The following DLEC1 variants were observed in gnomAD, a reference collection of about 807,000 sequenced individuals.
DLEC1 encodes the protein deleted in lung and esophageal cancer protein 1.
A neutral mutation model predicts 198.1 loss-of-function variants in DLEC1; 146 were observed. The observed-to-expected ratio is 0.74, with a 90% CI of 0.64 to 0.85. The LOEUF is 0.85. Among genes scored for constraint, DLEC1 ranks in the 40% least tolerant of loss-of-function variants. The pLI, the probability that DLEC1 is intolerant of heterozygous loss-of-function variation, is 0.00. For synonymous variants in DLEC1, 897 were observed against 866.8 expected, an observed-to-expected ratio of 1.03 and a Z score of -0.61; for missense variants, 2,233 against 2,220.0, an observed-to-expected ratio of 1.01 and a Z score of -0.12.
intron 2 of DLEC1, among the ~76,000 whole-genome samples, chr3:38,058,988 AAAT>A (rs1167608754): frequency 3.9e-5 from 6 of 152,182 alleles, no homozygotes; most frequent in African/African-American, 1.4e-4. Flanking sequence ...GAATACCTAT[AAAT>A]AATGTTATTT....
At chr3:38,084,278 A>G in intron 7 of DLEC1, 33 bp downstream of exon 7, 2 of 1,573,076 alleles carry the variant, frequency 1.3e-6, no homozygotes, top group Non-Finnish European at 1.7e-6. Flanking sequence ...CATTAGTAGT[A>G]GTGGTAATAG....
intron 2 of DLEC1, among the ~76,000 whole-genome samples, chr3:38,058,332 C>G (rs1696489910): frequency 6.6e-6 from 1 of 152,122 alleles, no homozygotes; most frequent in African/African-American, 2.4e-5. Context: ...CTGTGTGACA[C>G]CACTTTCTGG....
At chr3:38,074,973 T>C (rs1418651307) in intron 6 of DLEC1, among the ~76,000 whole-genome samples, 1 of 152,124 alleles carries the variant, frequency 6.6e-6, no homozygotes, top group African/African-American at 2.4e-5. Context: ...GGGGAAAAGC[T>C]AGTCGCAGAA....
chr3:38,084,327 G>T, intron 7 of DLEC1, 82 bp downstream of exon 7: 2 of 1,241,244 alleles, frequency 1.6e-6, no homozygotes, highest in Non-Finnish European at 1.2e-6. Flanking sequence ...AGTGGTGGTA[G>T]TAATGGTAGC....
chr3:38,094,958 G>A lies in DLEC1; in HGVS notation c.1999G>A (p.Asp667Asn). ...CATGCCTGGAGAAACCTTCAGCATG[G>A]ACAGCATCAAGTGCTACCCCGACAA... Reference protein sequence around the residue: ...PLMPGETFSMDSIKCYPDKET... With the variant: ...PLMPGETFSMNSIKCYPDKET... Residue 667 changes from aspartate to asparagine, a missense_variant, in exon 13 of 37, where the codon GAC becomes AAC. Coordinates refer to ENST00000308059, the MANE Select transcript of DLEC1 (RefSeq NM_007335.4). The A allele has an allele frequency of 6.2e-7, 1 of 1,614,184 alleles. No individual in the cohort carries two copies.
intron 14 of DLEC1, among the ~76,000 whole-genome samples, chr3:38,096,219 GC>G (rs1179424852): frequency 1.3e-5 from 2 of 152,216 alleles, no homozygotes; most frequent in Non-Finnish European, 2.9e-5. Flanking sequence ...AAACTGGGGG[GC>G]CCTCGGTGGT....
chr3:38,088,630 C>T (rs1698589996), intron 10 of DLEC1, among the ~76,000 whole-genome samples: 4 of 152,170 alleles, frequency 2.6e-5, no homozygotes, highest in African/African-American at 9.7e-5. Context: ...CTTGCTAGTC[C>T]ACACCTTTAG....
rs1257839213 is a variant in DLEC1, at chr3:38,100,412, A to G, written c.2851A>G (p.Asn951Asp). The change falls in exon 19 of 37, where the codon AAT becomes GAT. Residue 951 changes from asparagine to aspartate, a missense_variant. By Grantham distance (23) the Asn-to-Asp change is conservative. Coordinates refer to ENST00000308059, the MANE Select transcript of DLEC1 (RefSeq NM_007335.4). Reference protein sequence around the residue: ...LETVLELEVENGAWSYLPVYA... With the variant: ...LETVLELEVEDGAWSYLPVYA... ...GACCGTCCTGGAGCTGGAGGTGGAAAATGGTGCCTGGAGGTAAGGGTGCCG... is the reference window on the plus strand; with the variant it reads ...GACCGTCCTGGAGCTGGAGGTGGAAGATGGTGCCTGGAGGTAAGGGTGCCG... 5 of 1,612,722 alleles carry G rather than the reference A, an allele frequency of 3.1e-6. No individual in the cohort carries two copies. Among genetic ancestry groups the G allele is most frequent in the Non-Finnish European group, 4.2e-6 (5 of 1,179,548 alleles).
In DLEC1 at chr3:38,123,896, G is replaced by C. The variant is rs1700607679; in HGVS notation, c.*1484G>C. The C allele has an allele frequency of 6.6e-6, 1 of 150,538 alleles. No homozygotes were observed. The highest frequency in any genetic ancestry group is 2.5e-5 in the African/African-American group (1 of 40,098). The allele number at this position is 150,538 out of a possible 1,614,324, so 9.3% of individuals were successfully genotyped here. On this transcript the variant is annotated 3_prime_UTR_variant, in exon 37 of 37. Coordinates refer to ENST00000308059, the MANE Select transcript of DLEC1 (RefSeq NM_007335.4). ...GACACCTATAATCCCAGATACTCGG[G>C]AGGCTGAGGCTGAGGCAGGAAAATT...
chr3:38,046,225 G>C (rs929660792), intron 2 of DLEC1, among the ~76,000 whole-genome samples: 1 of 152,170 alleles, frequency 6.6e-6, no homozygotes, highest in East Asian at 1.9e-4. Context: ...TGTGTGTAGG[G>C]TTGCAATGAC....
intron 1 of DLEC1, among the ~76,000 whole-genome samples, chr3:38,041,237 C>T (rs1420156902): frequency 2.0e-5 from 3 of 151,978 alleles, no homozygotes; most frequent in Non-Finnish European, 4.4e-5. Flanking sequence ...CTCCTGACCT[C>T]GTGATCTGCC....
intron 2 of DLEC1, among the ~76,000 whole-genome samples, chr3:38,056,769 G>A (rs1365543684): frequency 6.6e-6 from 1 of 151,924 alleles, no homozygotes; most frequent in Non-Finnish European, 1.5e-5. Context: ...CAAATATAAC[G>A]AACAGATTCA....
chr3:38,115,549 G>T (rs909814554), intron 27 of DLEC1, among the ~76,000 whole-genome samples: 4 of 152,182 alleles, frequency 2.6e-5, no homozygotes, highest in African/African-American at 9.7e-5. Context: ...AGCATGTGGG[G>T]GCAAAGAGTG....
At chr3:38,095,261 G>C in intron 13 of DLEC1, 190 bp downstream of exon 13, 1 of 649,372 alleles carries the variant, frequency 1.5e-6, no homozygotes, top group Non-Finnish European at 2.6e-6. Flanking sequence ...ATTTTGTCTG[G>C]TCCTGATCCC....
At position 38,121,799 on chromosome 3, in the gene DLEC1, AC is replaced by A; in HGVS notation, c.5020+20del. The A allele has an allele frequency of 6.2e-7, 1 of 1,612,456 alleles. No homozygotes were observed. Among genetic ancestry groups the A allele is most frequent in the Non-Finnish European group, 8.5e-7 (1 of 1,178,868 alleles). ...GCTGATGGGTATGTCCTACCCTGCC[AC>A]CTACCCACCGTTCCCCTACAGGGCT... On this transcript the variant is annotated intron_variant, in intron 35 of 36. Transcript: ENST00000308059.
Position 38,098,015 on chromosome 3 carries a change from A to G in DLEC1, c.2724+113A>G, listed in dbSNP as rs1358021093. On this transcript the variant is annotated intron_variant, in intron 18 of 36. Coordinates refer to ENST00000308059, the MANE Select transcript of DLEC1 (RefSeq NM_007335.4). ...TCAGAGCTTCGAGGCTGGTGGAGGAAAAGCCTGCCTGGTGACTTCGGCCTG... is the reference window on the plus strand; with the variant it reads ...TCAGAGCTTCGAGGCTGGTGGAGGAGAAGCCTGCCTGGTGACTTCGGCCTG... 23 of 1,390,214 alleles carry G rather than the reference A, an allele frequency of 1.7e-5. 4 individuals carry two copies. In the South Asian group the frequency reaches 3.2e-4, roughly 19 times the overall value. 86.1% of individuals were successfully genotyped at this position (1,390,214 alleles called of 1,614,324 possible).
chr3:38,110,453 C>T (rs540288099), intron 23 of DLEC1, among the ~76,000 whole-genome samples, 172 bp downstream of exon 23: 1 of 152,304 alleles, frequency 6.6e-6, no homozygotes, highest in East Asian at 1.9e-4. Flanking sequence ...CTGCTGTCCA[C>T]CTCCCGGGCC....
At chr3:38,080,321 T>TGGG (rs1697901047) in intron 6 of DLEC1, among the ~76,000 whole-genome samples, 3 of 151,418 alleles carry the variant, frequency 2.0e-5, no homozygotes, top group Admixed American at 6.6e-5. Context: ...CTTGGCCTGG[T>TGGG]GAGGAGGGGA....
chr3:38,114,953 C>T (rs774186026), intron 26 of DLEC1, 30 bp from the exon 27 acceptor site: 9 of 1,606,072 alleles, frequency 5.6e-6, no homozygotes, highest in Non-Finnish European at 7.7e-6. Context: ...CTGGCTGTGG[C>T]TGTACTGAGT....
Sources: gnomAD v4.1 joint callset for allele counts (sites outside exome capture counted in the v4.1 genomes callset) on GRCh38, gnomAD v4.1.1 for gene constraint, MANE v1.5 for transcripts, NCBI Gene and HGNC (gene_info 2026-07-23, HGNC 2026-07-21) for gene names.